The following RNF17 variants were observed in gnomAD, a reference collection of about 807,000 sequenced individuals.
RNF17 encodes spermatogenesis associated 23.
RNF17 carries 31 observed loss-of-function variants against 200.5 expected under a neutral mutation model. The observed-to-expected ratio is 0.15, with a 90% CI of 0.12 to 0.21. RNF17 has a LOEUF of 0.21. Among genes scored for constraint, RNF17 ranks in the 10% least tolerant of loss-of-function variants. The probability of loss-of-function intolerance (pLI) is 1.00; values close to 1 mark genes in which losing one functional copy is unlikely to be tolerated. For synonymous variants in RNF17, 606 were observed against 637.8 expected (o/e 0.95, Z 0.75); for missense variants, 1,628 against 1,905.1 (o/e 0.85, Z 2.71).
chr13:24,858,958 G>T, intron 25 of RNF17, 43 bp from the exon 26 acceptor site: 1 of 1,242,710 alleles, frequency 8.0e-7, no homozygotes, highest in East Asian at 2.5e-5. Context: ...CAAATGATAG[G>T]GAATTTTCCT....
downstream of RNF17, chr13:24,884,417 TTG>T (rs774859303): frequency 1.2e-6 from 2 of 1,614,062 alleles, no homozygotes; most frequent in South Asian, 2.2e-5. Context: ...TCGAGTTCCA[TTG>T]GGAAACAGTA....
rs149750639 is a variant in RNF17, at chr13:24,804,108, A to C, written c.1950-180A>C. Among the ~76,000 whole-genome samples the C allele has an allele frequency of 6.6e-4, 100 of 152,212 alleles. No homozygotes were observed. The East Asian group carries it at 0.018, about 28-fold the overall frequency. The stretch of plus-strand genomic sequence containing the variant: ...CAATGTAGGGAGACCCTGTCTCTAC[A>C]AAAATTAGCCAGGTGTGATGGCATG... On this transcript the variant is annotated intron_variant, in intron 14 of 35. Coordinates refer to ENST00000255324, the MANE Select transcript of RNF17 (RefSeq NM_031277.3).
At chr13:24,853,605 T>C (rs577201284) in intron 24 of RNF17, among the ~76,000 whole-genome samples, 1 of 152,204 alleles carries the variant, frequency 6.6e-6, no homozygotes, top group Non-Finnish European at 1.5e-5. Context: ...GATATACATA[T>C]GAAATTTTAA....
chr13:24,802,761 A>G (rs1885403795), intron 14 of RNF17, among the ~76,000 whole-genome samples, 190 bp downstream of exon 14: 1 of 152,194 alleles, frequency 6.6e-6, no homozygotes, highest in African/African-American at 2.4e-5. Context: ...ATTGGATTTA[A>G]GAAAATAGGC....
intron 28 of RNF17, 148 bp from the exon 29 acceptor site, chr13:24,864,725 C>A: frequency 8.3e-6 from 5 of 601,810 alleles, no homozygotes; most frequent in South Asian, 2.0e-5. Flanking sequence ...GTCAAAATAC[C>A]AGGAAGAAAA....
chr13:24,774,191 A>G (rs1881218566), intron 2 of RNF17, among the ~76,000 whole-genome samples: 1 of 149,968 alleles, frequency 6.7e-6, no homozygotes, highest in Non-Finnish European at 1.5e-5. Flanking sequence ...TTTTGAACAT[A>G]TGTTACTATT....
chr13:24,753,718 T>A, the RNF17 span, among the ~76,000 whole-genome samples: 1 of 152,226 alleles, frequency 6.6e-6, no homozygotes, highest in Non-Finnish European at 1.5e-5. Context: ...TAGCAGATAG[T>A]GAAATCAATA....
At chr13:24,853,226 T>C (rs1593437845) in intron 24 of RNF17, among the ~76,000 whole-genome samples, 1 of 152,216 alleles carries the variant, frequency 6.6e-6, no homozygotes, top group Non-Finnish European at 1.5e-5. Context: ...TATTTCCTTT[T>C]AAAAGTACAG....
chr13:24,859,803 A>G (rs1258910353), intron 26 of RNF17, among the ~76,000 whole-genome samples: 1 of 152,116 alleles, frequency 6.6e-6, no homozygotes, highest in Non-Finnish European at 1.5e-5. Flanking sequence ...GATGATGATA[A>G]CTAATGATTA....
intron 22 of RNF17, among the ~76,000 whole-genome samples, chr13:24,846,166 C>G (rs187172258): frequency 1.5e-3 from 223 of 152,300 alleles, no homozygotes; most frequent in African/African-American, 5.0e-3. Flanking sequence ...TTTTGTTATT[C>G]CATGTCTAGG....
chr13:24,781,293 C>T (rs561218344), intron 5 of RNF17, among the ~76,000 whole-genome samples: 2 of 151,954 alleles, frequency 1.3e-5, no homozygotes, highest in East Asian at 3.9e-4. Flanking sequence ...TTAGTACACT[C>T]ATCAGTGGAT....
intron 12 of RNF17, among the ~76,000 whole-genome samples, 190 bp downstream of exon 12, chr13:24,799,774 A>G (rs1885020249): frequency 6.6e-6 from 1 of 152,278 alleles, no homozygotes; most frequent in South Asian, 2.1e-4. Context: ...CAGTATTACT[A>G]GATGGAGAGC....
chr13:24,802,267 T>G, intron 13 of RNF17, 114 bp from the exon 14 acceptor site: 1 of 872,508 alleles, frequency 1.1e-6, no homozygotes, highest in Non-Finnish European at 1.7e-6. Flanking sequence ...ATGTCTGCGG[T>G]TGGTTCAGTT....
At chr13:24,789,619 G>A in intron 8 of RNF17, 79 bp from the exon 9 acceptor site, 1 of 964,740 alleles carries the variant, frequency 1.0e-6, no homozygotes, top group Non-Finnish European at 1.6e-6. Context: ...ATTCATTAAT[G>A]TCAGCAATTG....
intron 9 of RNF17, 57 bp from the exon 10 acceptor site, chr13:24,792,985 C>T: frequency 8.4e-7 from 1 of 1,192,716 alleles, no homozygotes; most frequent in Non-Finnish European, 1.2e-6. Flanking sequence ...GTGACTTATT[C>T]ATGGTTGTAC....
At chr13:24,823,270 C>T (rs1436515141) in intron 15 of RNF17, among the ~76,000 whole-genome samples, 4 of 152,276 alleles carry the variant, frequency 2.6e-5, no homozygotes, top group African/African-American at 9.6e-5. Flanking sequence ...GACAGAGTCT[C>T]ACCATGTTGG....
chr13:24,825,928 T>G, intron 16 of RNF17, 156 bp downstream of exon 16: 1 of 980,142 alleles, frequency 1.0e-6, no homozygotes, highest in Non-Finnish European at 1.2e-6. Context: ...TGTTGAAAGG[T>G]GAATCTATCT....
intron 15 of RNF17, among the ~76,000 whole-genome samples, chr13:24,815,220 A>G (rs143043383): frequency 6.6e-6 from 1 of 152,294 alleles, no homozygotes; most frequent in East Asian, 1.9e-4. Flanking sequence ...ATATCTTTCA[A>G]CAGTTTTGTG....
rs1890954649 is a variant in RNF17 at position 24,843,849 on chromosome 13, A to C, written c.2709A>C (p.Lys903Asn). 1 of 1,607,144 alleles carries C rather than the reference A, an allele frequency of 6.2e-7. No homozygotes were observed. Among genetic ancestry groups the C allele is most frequent in the African/African-American group, 1.3e-5 (1 of 74,678 alleles). ...EVHNLNPVSA[K>N]SLPNENFQSL... The stretch of plus-strand genomic sequence containing the variant: ...ACAACTTAAATCCTGTGTCTGCAAA[A>C]TCTCTACCTAATGAGAATTTTCAGT... Residue 903 changes from lysine to asparagine, a missense_variant, in exon 20 of 36, where the codon AAA becomes AAC. By Grantham distance (94) the Lys-to-Asn change is moderately conservative. Around this residue, in one of 5 missense-constraint regions of RNF17, gnomAD observed 227 missense variants for 319.8 expected, o/e 0.71. Transcript: ENST00000255324.
Sources: gnomAD v4.1 joint callset for allele counts (sites outside exome capture counted in the v4.1 genomes callset) on GRCh38, gnomAD v4.1.1 for gene constraint, gnomAD v4.1.1 regional missense constraint, MANE v1.5 for transcripts, NCBI Gene and HGNC (gene_info 2026-07-23, HGNC 2026-07-21) for gene names.